The following SPAG16 variants were observed in gnomAD, a reference collection of about 807,000 sequenced individuals.
The protein encoded by SPAG16 is sperm-associated antigen 16 protein.
A neutral mutation model predicts 80.4 loss-of-function variants in SPAG16; 86 were observed. The ratio of observed to expected loss-of-function variants is 1.07; its 90% confidence interval spans 0.90 to 1.28. SPAG16 has a LOEUF of 1.28. Among genes scored for constraint, SPAG16 ranks in the 50% most tolerant of loss-of-function variants. The probability of loss-of-function intolerance (pLI) is 0.00; values close to 1 mark genes in which losing one functional copy is unlikely to be tolerated. For synonymous variants in SPAG16, 294 were observed against 265.9 expected (o/e 1.11, Z -1.03); for missense variants, 870 against 765.3 (o/e 1.14, Z -1.61).
In SPAG16 at chr2:213,800,158, T is replaced by C. The variant is rs72937224; in HGVS notation, c.1071-62327T>C. On this transcript the variant is annotated intron_variant, in intron 10 of 15. Transcript: ENST00000331683. ...TTTTATTTGCTGCAATCTTAGCTTC[T>C]ATGCAGCAATATTACAGTCTCAGTT... Among the ~76,000 whole-genome samples the C allele has an allele frequency of 1.6e-3, 243 of 152,322 alleles. 1 individual carries two copies. The highest frequency in any genetic ancestry group is 2.8e-3 in the Non-Finnish European group (193 of 68,014).
chr2:213,436,880 A>G (rs964678310), intron 9 of SPAG16, among the ~76,000 whole-genome samples: 5 of 151,930 alleles, frequency 3.3e-5, no homozygotes, highest in African/African-American at 1.2e-4. Context: ...TTCTCAGTAT[A>G]TGACATGTAA....
intron 11 of SPAG16, among the ~76,000 whole-genome samples, chr2:213,887,313 T>C (rs2076594453): frequency 6.6e-6 from 1 of 152,088 alleles, no homozygotes; most frequent in Non-Finnish European, 1.5e-5. Flanking sequence ...ATCTCCAATC[T>C]GTGACAGTTC....
intron 10 of SPAG16, among the ~76,000 whole-genome samples, chr2:213,850,700 A>G (rs1391483658): frequency 2.0e-5 from 3 of 148,986 alleles, no homozygotes; most frequent in Non-Finnish European, 3.0e-5. Context: ...TTTTTTTTTT[A>G]TGATTTTCTT....
chr2:213,754,340 C>T (rs1049520983), intron 10 of SPAG16, among the ~76,000 whole-genome samples: 3 of 152,130 alleles, frequency 2.0e-5, no homozygotes, highest in African/African-American at 7.2e-5. Context: ...AAACACTGTG[C>T]TTATAGTTTG....
intron 15 of SPAG16, among the ~76,000 whole-genome samples, chr2:214,391,516 G>A (rs1394456111): frequency 6.6e-6 from 1 of 152,002 alleles, no homozygotes; most frequent in Admixed American, 6.6e-5. Flanking sequence ...GGTTAAATAT[G>A]GTCAATTAAA....
chr2:213,526,305 G>A (rs761394144), intron 10 of SPAG16, among the ~76,000 whole-genome samples: 3 of 152,116 alleles, frequency 2.0e-5, no homozygotes, highest in Non-Finnish European at 4.4e-5. Flanking sequence ...ACTATTTTCA[G>A]TTGAATCAAG....
intron 15 of SPAG16, among the ~76,000 whole-genome samples, chr2:214,257,520 T>C (rs149401281): frequency 6.6e-6 from 1 of 152,062 alleles, no homozygotes; most frequent in East Asian, 1.9e-4. Flanking sequence ...CTTAATAGCT[T>C]CTCAATTTGC....
chr2:214,091,911 A>C (rs1308692811), intron 13 of SPAG16, among the ~76,000 whole-genome samples: 1 of 152,120 alleles, frequency 6.6e-6, no homozygotes, highest in Non-Finnish European at 1.5e-5. Context: ...ACAGAAAAGA[A>C]AAAACATTTC....
chr2:213,432,299 A>T (rs1027999888), intron 9 of SPAG16, among the ~76,000 whole-genome samples: 2 of 152,140 alleles, frequency 1.3e-5, no homozygotes, highest in African/African-American at 4.8e-5. Context: ...ACAAAATGGA[A>T]AATTTGTTTT....
At chr2:213,392,875 T>C (rs2067834578) in intron 9 of SPAG16, among the ~76,000 whole-genome samples, 1 of 151,976 alleles carries the variant, frequency 6.6e-6, no homozygotes, top group Non-Finnish European at 1.5e-5. Context: ...GTTGAATATC[T>C]TCAGCAGTTG....
chr2:213,785,161 G>A (rs1335757874), intron 10 of SPAG16, among the ~76,000 whole-genome samples: 1 of 152,108 alleles, frequency 6.6e-6, no homozygotes, highest in African/African-American at 2.4e-5. Context: ...ACCATCGTTA[G>A]CATTTTGATT....
At chr2:213,592,754 A>G (rs781699422) in intron 10 of SPAG16, among the ~76,000 whole-genome samples, 1 of 152,190 alleles carries the variant, frequency 6.6e-6, no homozygotes, top group African/African-American at 2.4e-5. Context: ...CTTGCTGTGC[A>G]ACACAGAGCA....
chr2:213,315,166 T>G (rs1405425343), intron 4 of SPAG16, among the ~76,000 whole-genome samples: 1 of 151,712 alleles, frequency 6.6e-6, no homozygotes, highest in Non-Finnish European at 1.5e-5. Flanking sequence ...GCTCAAATTG[T>G]TTTTTTTAAC....
chr2:213,287,136 G>T (rs919414055), intron 1 of SPAG16, among the ~76,000 whole-genome samples: 6 of 152,186 alleles, frequency 3.9e-5, no homozygotes, highest in African/African-American at 1.4e-4. Context: ...TGGAGTATAT[G>T]AATCCTCTCT....
At position 213,862,681 on chromosome 2, in the gene SPAG16, T is replaced by C. The variant is rs2075525375; in HGVS notation, c.1214+53T>C. The C allele has an allele frequency of 6.3e-6, 10 of 1,584,990 alleles. No homozygotes were observed. In the Admixed American group the frequency reaches 1.7e-4, roughly 27 times the overall value. On this transcript the variant is annotated intron_variant, in intron 11 of 15. Transcript: ENST00000331683. Reference sequence around the variant, plus strand: ...CCTAATCTCTCTAGGAATGTGCTCCTTTACTCTGTCTGCTCACTCTGCTGT... The same window carrying C: ...CCTAATCTCTCTAGGAATGTGCTCCCTTACTCTGTCTGCTCACTCTGCTGT...
chr2:214,354,299 A>G, intron 15 of SPAG16, among the ~76,000 whole-genome samples: 1 of 152,122 alleles, frequency 6.6e-6, no homozygotes, highest in Non-Finnish European at 1.5e-5. Flanking sequence ...GTCAAAGATC[A>G]GATAGTTGTA....
At chr2:213,450,154 A>T (rs1035538699) in intron 9 of SPAG16, among the ~76,000 whole-genome samples, 1 of 152,134 alleles carries the variant, frequency 6.6e-6, no homozygotes, top group Admixed American at 6.5e-5. Flanking sequence ...AAAATACAAA[A>T]TTAGGCAGGC....
At chr2:213,771,004 G>T (rs557293569) in intron 10 of SPAG16, among the ~76,000 whole-genome samples, 1 of 152,252 alleles carries the variant, frequency 6.6e-6, no homozygotes, top group Non-Finnish European at 1.5e-5. Context: ...GGGTCAAATG[G>T]TTTTTCTGGT....
chr2:213,803,045 ATCTG>A (rs1469443097), intron 10 of SPAG16, among the ~76,000 whole-genome samples: 1 of 152,054 alleles, frequency 6.6e-6, no homozygotes, highest in Non-Finnish European at 1.5e-5. Flanking sequence ...TATAACCTAT[ATCTG>A]TCTATGAAGT....
Sources: allele counts gnomAD v4.1 joint callset (sites outside exome capture counted in the v4.1 genomes callset), GRCh38; gene constraint gnomAD v4.1.1; transcripts MANE v1.5; gene names NCBI Gene and HGNC (gene_info 2026-07-23, HGNC 2026-07-21).